The following CHAF1B variants were observed in gnomAD, a reference collection of about 807,000 sequenced individuals.
CHAF1B encodes the protein chromatin assembly factor 1 subunit B.
A neutral mutation model predicts 60.7 loss-of-function variants in CHAF1B; 10 were observed. The ratio of observed to expected loss-of-function variants is 0.16; its 90% CI spans 0.10 to 0.28. CHAF1B has a LOEUF of 0.28. Ranked by LOEUF, CHAF1B falls within the 10% of genes least tolerant of loss-of-function variation. The pLI is 1.00. For synonymous variants in CHAF1B, 261 were observed against 266.1 expected, an observed-to-expected ratio of 0.98 and a Z score of 0.19; for missense variants, 558 against 708.4, an observed-to-expected ratio of 0.79 and a Z score of 2.41.
At chr21:36,407,089 G>T (rs1184834260) in intron 8 of CHAF1B, among the ~76,000 whole-genome samples, 1 of 152,060 alleles carries the variant, frequency 6.6e-6, no homozygotes, top group Non-Finnish European at 1.5e-5. Context: ...ATCACCTGAG[G>T]TCTGGAGTTC....
At chr21:36,404,971 T>C (rs369800241) in intron 8 of CHAF1B, among the ~76,000 whole-genome samples, 1 of 142,408 alleles carries the variant, frequency 7.0e-6, no homozygotes, top group Admixed American at 7.0e-5. Context: ...CCCAAACTCC[T>C]GACCTCAGGT....
rs1247626973 is a variant in CHAF1B at position 36,418,350 on chromosome 21, T to C, written c.*1984T>C. Reference sequence around the variant, plus strand: ...TGATTATCTCTGCCCCGTCACTGATTGACATCCTCCTTTGCTGGGGCCGCG... The same window carrying C: ...TGATTATCTCTGCCCCGTCACTGATCGACATCCTCCTTTGCTGGGGCCGCG... On this transcript the variant is annotated 3_prime_UTR_variant, in exon 14 of 14. Transcript: ENST00000314103. The C allele has an allele frequency of 1.3e-5, 2 of 152,138 alleles. No individual in the cohort carries two copies. Among genetic ancestry groups the C allele is most frequent in the African/African-American group, 2.4e-5 (1 of 41,390 alleles). The allele number at this position is 152,138 out of a possible 1,614,324, so 9.4% of individuals were successfully genotyped here. A position where few individuals can be genotyped will look rare whatever the true frequency, so the allele number is the denominator to read the frequency against.
chr21:36,387,255 C>T (rs1188718347), intron 2 of CHAF1B, among the ~76,000 whole-genome samples: 2 of 136,440 alleles, frequency 1.5e-5, no homozygotes, highest in Non-Finnish European at 3.1e-5. Context: ...CAGGGTCTTA[C>T]TCTGTCGCCC....
chr21:36,402,930 A>C, intron 8 of CHAF1B, 79 bp downstream of exon 8: 1 of 1,171,408 alleles, frequency 8.5e-7, no homozygotes, highest in Non-Finnish European at 1.3e-6. Context: ...GCAGCTTATC[A>C]GCTCAGTGAA....
intron 7 of CHAF1B, among the ~76,000 whole-genome samples, chr21:36,402,499 G>A (rs2086199293): frequency 6.6e-6 from 1 of 152,292 alleles, no homozygotes. Context: ...TATACATATA[G>A]CTTTACCTAA....
Position 36,415,721 on chromosome 21 carries a change from C to T in CHAF1B, c.1588+332C>T, listed in dbSNP as rs574599471. The T allele has an allele frequency of 8.9e-4, 395 of 444,860 alleles. 1 individual carries two copies. The highest frequency in any genetic ancestry group is 1.5e-3 in the South Asian group (75 of 50,966). 27.6% of individuals were successfully genotyped at this position (444,860 alleles called of 1,614,324 possible). ...ATTATGCGATGTTTAACAGCATCCC[C>T]GGCTGCTACTTCTTGCCCATGACAT... On this transcript the variant is annotated intron_variant, in intron 13 of 13. Transcript: ENST00000314103.
intron 8 of CHAF1B, among the ~76,000 whole-genome samples, chr21:36,404,091 A>G (rs2086214841): frequency 3.3e-5 from 5 of 151,396 alleles, no homozygotes; most frequent in Admixed American, 2.6e-4. Context: ...ACCCAGTAAT[A>G]AATCCTTTTT....
intron 3 of CHAF1B, 50 bp downstream of exon 3, chr21:36,387,780 G>GT (rs746535919): frequency 3.2e-6 from 5 of 1,582,518 alleles, no homozygotes; most frequent in Non-Finnish European, 4.3e-6. Context: ...ATAGATACCT[G>GT]TGTGTCTTGT....
At chr21:36,405,091 T>C (rs757385095) in intron 8 of CHAF1B, among the ~76,000 whole-genome samples, 1 of 152,034 alleles carries the variant, frequency 6.6e-6, no homozygotes, top group Non-Finnish European at 1.5e-5. Flanking sequence ...TCTAAAAATA[T>C]TTTCAATTAA....
At chr21:36,395,397 A>T (rs1569122672) in intron 5 of CHAF1B, among the ~76,000 whole-genome samples, 1 of 152,214 alleles carries the variant, frequency 6.6e-6, no homozygotes, top group Non-Finnish European at 1.5e-5. Flanking sequence ...TAGTGAACTA[A>T]AGTAGGTGGT....
intron 3 of CHAF1B, among the ~76,000 whole-genome samples, chr21:36,388,096 T>A (rs2086049864): frequency 6.6e-6 from 1 of 152,158 alleles, no homozygotes; most frequent in Non-Finnish European, 1.5e-5. Flanking sequence ...GTGTTGGGAT[T>A]ACAGGCGTGA....
chr21:36,388,586 C>T (rs563461895), intron 3 of CHAF1B, among the ~76,000 whole-genome samples: 2 of 151,446 alleles, frequency 1.3e-5, no homozygotes, highest in East Asian at 3.9e-4. Flanking sequence ...CCTGCCTCAG[C>T]CTCACAAGTA....
At chr21:36,399,958 C>A (rs1404969206) in intron 7 of CHAF1B, among the ~76,000 whole-genome samples, 1 of 152,200 alleles carries the variant, frequency 6.6e-6, no homozygotes, top group African/African-American at 2.4e-5. Flanking sequence ...GTGGGCGGAT[C>A]ACTTGAGGTC....
intron 8 of CHAF1B, among the ~76,000 whole-genome samples, chr21:36,407,300 TAA>T (rs56714492): frequency 3.4e-4 from 44 of 128,606 alleles, no homozygotes; most frequent in Middle Eastern, 4.3e-3. Context: ...AGACTCTGTC[TAA>T]AAAAAAAAAA....
In CHAF1B at chr21:36,391,495, C is replaced by A. The variant is rs114867967; in HGVS notation, c.260-56C>A. 1.4e-3 allele frequency: 1,494 copies of A among 1,036,170 alleles called. 20 individuals carry two copies. The African/African-American group carries it at 0.021, about 15-fold the overall frequency. The allele number at this position is 1,036,170 out of a possible 1,614,324, so 64.2% of individuals were successfully genotyped here. ...AAAAAAAAAAATGAAAATAAAAATC[C>A]TAATATGAAGGAGTGTGGGTGAAGC... is the stretch of plus-strand genomic sequence containing the variant. On this transcript the variant is annotated intron_variant, in intron 3 of 13. Transcript: ENST00000314103.
At chr21:36,387,775 T>TA (rs142402871) in intron 3 of CHAF1B, 45 bp downstream of exon 3, 23,652 of 1,603,592 alleles carry the variant, frequency 0.015, 198 homozygotes, top group Middle Eastern at 0.021. Flanking sequence ...ACCAGATAGA[T>TA]ACCTGTGTGT....
chr21:36,416,517 C>T lies in CHAF1B; in HGVS notation c.*151C>T. On this transcript the variant is annotated 3_prime_UTR_variant, in exon 14 of 14. Transcript: ENST00000314103. ...AGAAGTGACATGTGTACTGATTTTTCTCCAGAAATATGGATGCTGTTGTAT... is the reference window on the plus strand; with the variant it reads ...AGAAGTGACATGTGTACTGATTTTTTTCCAGAAATATGGATGCTGTTGTAT... 5.5e-6 allele frequency: 3 copies of T among 544,008 alleles called. No homozygotes were observed. Among genetic ancestry groups the T allele is most frequent in the Non-Finnish European group, 6.5e-6 (2 of 309,106 alleles). 33.7% of individuals were successfully genotyped at this position (544,008 alleles called of 1,614,324 possible). A position where few individuals can be genotyped will look rare whatever the true frequency, so the allele number is the denominator to read the frequency against.
intron 2 of CHAF1B, 76 bp from the exon 3 acceptor site, chr21:36,387,522 A>C (rs2086044450): frequency 1.3e-6 from 2 of 1,560,872 alleles, no homozygotes; most frequent in Middle Eastern, 1.7e-4. Flanking sequence ...CACCCAGCCC[A>C]TAGTATTGTT....
chr21:36,407,618 T>C (rs1324251493), intron 8 of CHAF1B, among the ~76,000 whole-genome samples: 1 of 152,168 alleles, frequency 6.6e-6, no homozygotes, highest in South Asian at 2.1e-4. Flanking sequence ...GGAGGAAATA[T>C]ACAGATGACA....
Sources: allele counts gnomAD v4.1 joint callset (sites outside exome capture counted in the v4.1 genomes callset), GRCh38; gene constraint gnomAD v4.1.1; transcripts MANE v1.5; gene names NCBI Gene and HGNC (gene_info 2026-07-23, HGNC 2026-07-21).